SRPK1: variants seen among roughly 807,000 people sequenced by gnomAD.
The protein encoded by SRPK1 is SRSF protein kinase 1.
A neutral mutation model predicts 89.5 loss-of-function variants in SRPK1; 52 were observed. The observed-to-expected ratio is 0.58, with a 90% CI of 0.46 to 0.73. SRPK1 has a LOEUF of 0.73. Ranked by LOEUF, SRPK1 falls within the 30% of genes least tolerant of loss-of-function variation. The pLI is 0.00. For missense variants in SRPK1, 603 were observed against 780.6 expected (o/e 0.77, Z 2.71); for synonymous variants, 255 against 270.2 (o/e 0.94, Z 0.55).
intron 14 of SRPK1, among the ~76,000 whole-genome samples, chr6:35,841,616 G>A (rs1311874104): frequency 1.3e-5 from 2 of 152,000 alleles, no homozygotes; most frequent in South Asian, 4.1e-4. Flanking sequence ...GGTGGACCAC[G>A]AGGTCAAGAG....
At chr6:35,897,268 A>G (rs1027443463) in intron 2 of SRPK1, among the ~76,000 whole-genome samples, 1 of 152,234 alleles carries the variant, frequency 6.6e-6, no homozygotes, top group Non-Finnish European at 1.5e-5. Flanking sequence ...TATTGAGAGG[A>G]AGAGAGAGAT....
chr6:35,921,022 C>T, intron 1 of SRPK1, 22 bp downstream of exon 1: 2 of 1,542,224 alleles, frequency 1.3e-6, no homozygotes, highest in Non-Finnish European at 8.7e-7. Context: ...CCCCTCGTGG[C>T]GGAGGCCGCT....
chr6:35,918,442 A>G (rs1771161718), intron 2 of SRPK1, among the ~76,000 whole-genome samples: 1 of 152,118 alleles, frequency 6.6e-6, no homozygotes. Flanking sequence ...TGGAGGTTGC[A>G]GTGAGCCGAG....
At chr6:35,889,254 C>T (rs529463240) in intron 3 of SRPK1, among the ~76,000 whole-genome samples, 13 of 151,578 alleles carry the variant, frequency 8.6e-5, no homozygotes, top group South Asian at 4.2e-4. Flanking sequence ...TATCTATTTA[C>T]AATTACAGTC....
chr6:35,849,975 C>T (rs1403915699), intron 13 of SRPK1, among the ~76,000 whole-genome samples: 1 of 152,068 alleles, frequency 6.6e-6, no homozygotes, highest in African/African-American at 2.4e-5. Context: ...ACAAATACTG[C>T]AACACTCTCA....
intron 6 of SRPK1, among the ~76,000 whole-genome samples, chr6:35,880,746 A>AAAAAAAAAGAAAG (rs1770263877): frequency 3.4e-5 from 3 of 89,230 alleles, no homozygotes; most frequent in Admixed American, 1.2e-4. Flanking sequence ...AAAAAAAAAA[A>AAAAAAAAAGAAAG]AAAAGAAAAG....
chr6:35,904,070 G>A (rs1053309102), intron 2 of SRPK1, among the ~76,000 whole-genome samples: 1 of 151,924 alleles, frequency 6.6e-6, no homozygotes, highest in Non-Finnish European at 1.5e-5. Flanking sequence ...TCCCAAAGTG[G>A]TGGGATTATA....
intron 2 of SRPK1, among the ~76,000 whole-genome samples, chr6:35,898,326 G>A (rs955407920): frequency 3.3e-5 from 5 of 152,088 alleles, no homozygotes; most frequent in African/African-American, 1.2e-4. Context: ...AAGCAATCAG[G>A]ACTTATAGAT....
chr6:35,854,790 TTAA>T (rs1769633387), intron 13 of SRPK1, among the ~76,000 whole-genome samples: 1 of 152,174 alleles, frequency 6.6e-6, no homozygotes, highest in Admixed American at 6.5e-5. Context: ...AATCCACATT[TTAA>T]TAAATCAGAT....
chr6:35,911,264 G>T (rs1440829784), intron 2 of SRPK1, among the ~76,000 whole-genome samples: 1 of 152,178 alleles, frequency 6.6e-6, no homozygotes, highest in Non-Finnish European at 1.5e-5. Context: ...CCTCATGCAT[G>T]ACTGAAATGT....
At chr6:35,862,127 G>T (rs1158582115) in intron 12 of SRPK1, among the ~76,000 whole-genome samples, 1 of 152,008 alleles carries the variant, frequency 6.6e-6, no homozygotes, top group Non-Finnish European at 1.5e-5. Flanking sequence ...GGTCCCAGCG[G>T]GTTGCTCCAC....
chr6:35,920,355 G>A (rs1771206089), intron 2 of SRPK1, 113 bp downstream of exon 2: 3 of 1,183,228 alleles, frequency 2.5e-6, no homozygotes, highest in Non-Finnish European at 3.8e-6. Flanking sequence ...CCGAGGCCAT[G>A]TGGCTGCAGC....
chr6:35,892,146 T>C (rs979695371), intron 2 of SRPK1, among the ~76,000 whole-genome samples: 1 of 152,232 alleles, frequency 6.6e-6, no homozygotes, highest in African/African-American at 2.4e-5. Context: ...GGTATTTAAG[T>C]ACTACCTCAT....
chr6:35,887,436 A>C (rs559858906), intron 5 of SRPK1, among the ~76,000 whole-genome samples: 3 of 152,202 alleles, frequency 2.0e-5, no homozygotes, highest in African/African-American at 4.8e-5. Context: ...TCTGAGACTC[A>C]GAAAGAAAAA....
chr6:35,889,148 T>C (rs1770467499), intron 3 of SRPK1, among the ~76,000 whole-genome samples: 1 of 152,188 alleles, frequency 6.6e-6, no homozygotes, highest in Non-Finnish European at 1.5e-5. Context: ...ATGATTTAGA[T>C]TGAGCCTACA....
chr6:35,881,514 T>C (rs142618361), intron 6 of SRPK1, among the ~76,000 whole-genome samples: 2 of 152,044 alleles, frequency 1.3e-5, no homozygotes, highest in African/African-American at 4.8e-5. Context: ...GAGACTCACT[T>C]TAGATCCAAA....
intron 5 of SRPK1, 37 bp from the exon 6 acceptor site, chr6:35,886,848 A>G (rs199639273): frequency 1.2e-5 from 15 of 1,238,646 alleles, no homozygotes; most frequent in African/African-American, 1.2e-4. Context: ...GCACAAGGTA[A>G]AGCATGGAAA....
chr6:35,857,842 T>C (rs1205010187), intron 12 of SRPK1, among the ~76,000 whole-genome samples: 2 of 152,236 alleles, frequency 1.3e-5, no homozygotes, highest in African/African-American at 4.8e-5. Flanking sequence ...ATTGGGATGT[T>C]GATGTTCTAC....
At chr6:35,838,501 A>T in intron 14 of SRPK1, 72 bp from the exon 15 acceptor site, 1 of 1,391,682 alleles carries the variant, frequency 7.2e-7, no homozygotes, top group Admixed American at 2.5e-5. Context: ...GCAGCTCTAG[A>T]AAACAGCAGA....
Sources: gnomAD v4.1 joint callset for allele counts (sites outside exome capture counted in the v4.1 genomes callset) on GRCh38, gnomAD v4.1.1 for gene constraint, MANE v1.5 for transcripts, NCBI Gene and HGNC (gene_info 2026-07-23, HGNC 2026-07-21) for gene names.